MSRA: variants seen among roughly 807,000 people sequenced by gnomAD.
MSRA encodes mitochondrial peptide methionine sulfoxide reductase.
In MSRA, 54 loss-of-function variants were observed where a neutral mutation model predicts 31.3. The ratio of observed to expected loss-of-function variants is 1.73; its 90% CI spans 1.39 to 2.17. The LOEUF is 2.17. Among genes scored for constraint, MSRA ranks in the 30% most tolerant of loss-of-function variants. The pLI is 0.00. For synonymous variants in MSRA, 169 were observed against 116.5 expected, an observed-to-expected ratio of 1.45 and a Z score of -2.90; for missense variants, 507 against 300.9, an observed-to-expected ratio of 1.69 and a Z score of -5.07.
At chr8:10,184,899 G>A (rs986647735) in intron 1 of MSRA, among the ~76,000 whole-genome samples, 2 of 152,202 alleles carry the variant, frequency 1.3e-5, no homozygotes, top group Non-Finnish European at 2.9e-5. Context: ...CTTGACCTGT[G>A]AAAGGAAAGA....
chr8:10,178,230 C>T (rs1189442347), intron 1 of MSRA, among the ~76,000 whole-genome samples: 1 of 152,104 alleles, frequency 6.6e-6, no homozygotes, highest in Admixed American at 6.5e-5. Flanking sequence ...TATTCACTTC[C>T]TGATAGATTT....
At chr8:10,194,078 A>T (rs1003744562) in intron 1 of MSRA, among the ~76,000 whole-genome samples, 1 of 152,192 alleles carries the variant, frequency 6.6e-6, no homozygotes, top group Admixed American at 6.5e-5. Context: ...GGGAAGAGGG[A>T]TGGAGCAATA....
chr8:10,215,958 A>C (rs987898718), intron 2 of MSRA, among the ~76,000 whole-genome samples: 2 of 152,200 alleles, frequency 1.3e-5, no homozygotes, highest in Non-Finnish European at 2.9e-5. Context: ...ACAATCAAAT[A>C]TTTTCTATTA....
chr8:10,210,237 C>T (rs1162214449), intron 2 of MSRA, among the ~76,000 whole-genome samples: 1 of 152,164 alleles, frequency 6.6e-6, no homozygotes, highest in African/African-American at 2.4e-5. Flanking sequence ...CTAGCGAGGC[C>T]ATGTGACTTA....
Position 10,159,352 on chromosome 8 carries a change from G to T in MSRA, c.143-48481G>T, listed in dbSNP as rs549735767. Among the ~76,000 whole-genome samples the T allele has an allele frequency of 2.0e-5, 3 of 152,280 alleles. No individual in the cohort carries two copies. In the East Asian group the frequency reaches 5.8e-4, roughly 29 times the overall value. ...GTTTGCATTTACTATCAAGAGAGGA[G>T]ATCAGGAGTGGTCTCTGGGCTGGAG... On this transcript the variant is annotated intron_variant, in intron 1 of 5. Coordinates refer to ENST00000317173, the MANE Select transcript of MSRA (RefSeq NM_012331.5).
rs150798936 is a variant in MSRA at position 10,262,894 on chromosome 8, A to C, written c.331+17671A>C. 4.6e-5 allele frequency among the ~76,000 whole-genome samples: 7 copies of C among 152,104 alleles called. No homozygotes were observed. The East Asian group carries it at 1.4e-3, about 29-fold the overall frequency. On this transcript the variant is annotated intron_variant, in intron 3 of 5. Coordinates refer to ENST00000317173, the MANE Select transcript of MSRA (RefSeq NM_012331.5). ...TTGACCTTGTTACTGGGTTGTACCT[A>C]TGGTTTTGGCCTCTCATTTTTTGCC...
chr8:10,168,136 T>C (rs1333438158), intron 1 of MSRA, among the ~76,000 whole-genome samples: 5 of 152,204 alleles, frequency 3.3e-5, no homozygotes, highest in Non-Finnish European at 7.3e-5. Flanking sequence ...ATCTGTAAAA[T>C]GGAGATAATA....
At chr8:10,124,594 A>G (rs1243524632) in intron 1 of MSRA, among the ~76,000 whole-genome samples, 1 of 152,212 alleles carries the variant, frequency 6.6e-6, no homozygotes, top group African/African-American at 2.4e-5. Flanking sequence ...CCTTTATGAG[A>G]CACCAGTCAG....
rs1806846485 is a variant in MSRA at position 10,392,906 on chromosome 8, A to C, written c.544-35242A>C. ...CTAAAAATGCAAAAAAAAAAAAAAA[A>C]AAAAAATTAGCCGGCAGTAATGGCG... On this transcript the variant is annotated intron_variant, in intron 5 of 5. Coordinates refer to ENST00000317173, the MANE Select transcript of MSRA (RefSeq NM_012331.5). 2.4e-5 allele frequency among the ~76,000 whole-genome samples: 3 copies of C among 123,626 alleles called. No homozygotes were observed. In the South Asian group the frequency reaches 7.6e-4, roughly 31 times the overall value. The allele number at this position is 123,626 out of a possible 152,430, so 81.1% of individuals were successfully genotyped here.
intron 1 of MSRA, among the ~76,000 whole-genome samples, chr8:10,195,188 G>A (rs558823743): frequency 6.6e-6 from 1 of 152,210 alleles, no homozygotes; most frequent in African/African-American, 2.4e-5. Context: ...CAAAGCCTGT[G>A]CTATGGAAGC....
At chr8:10,193,282 G>T (rs991416906) in intron 1 of MSRA, among the ~76,000 whole-genome samples, 6 of 152,218 alleles carry the variant, frequency 3.9e-5, no homozygotes, top group African/African-American at 1.4e-4. Context: ...ACCCCATTCA[G>T]CGCATGGCTT....
chr8:10,108,092 G>A (rs1478213535), intron 1 of MSRA, among the ~76,000 whole-genome samples: 16 of 152,120 alleles, frequency 1.1e-4, no homozygotes, highest in Admixed American at 1.0e-3. Context: ...GTATGAGGGA[G>A]GCCTCCCTTA....
chr8:10,092,575 T>C (rs1798910776), intron 1 of MSRA, among the ~76,000 whole-genome samples: 1 of 152,122 alleles, frequency 6.6e-6, no homozygotes, highest in African/African-American at 2.4e-5. Context: ...GGAGAATCGC[T>C]TGAATCCAGG....
rs746656712 is a variant in MSRA at position 10,428,134 on chromosome 8, C to T, written c.544-14C>T. 1.9e-6 allele frequency: 3 copies of T among 1,606,224 alleles called. No individual in the cohort carries two copies. The Admixed American group carries it at 5.2e-5, about 28-fold the overall frequency. The stretch of plus-strand genomic sequence containing the variant: ...TAGCATGGGAGCTGATGGCGCCTTT[C>T]TGTGTCCCCACAGGTTCTTTCAGAG... On this transcript the variant is annotated splice_polypyrimidine_tract_variant and intron_variant, in intron 5 of 5. Transcript: ENST00000317173.
chr8:10,294,832 A>G (rs768353488), intron 3 of MSRA, among the ~76,000 whole-genome samples: 4 of 151,836 alleles, frequency 2.6e-5, no homozygotes, highest in African/African-American at 7.2e-5. Context: ...CACAGAGTCC[A>G]GGAACCCTGA....
intron 5 of MSRA, among the ~76,000 whole-genome samples, chr8:10,322,393 T>C (rs781111258): frequency 6.6e-6 from 1 of 151,570 alleles, no homozygotes; most frequent in African/African-American, 2.4e-5. Context: ...GAGGGAGGGA[T>C]ATTTAGGAAG....
At chr8:10,409,588 G>A (rs943320943) in intron 5 of MSRA, among the ~76,000 whole-genome samples, 6 of 152,194 alleles carry the variant, frequency 3.9e-5, no homozygotes, top group South Asian at 2.1e-4. Flanking sequence ...TAGAGAGGAC[G>A]TGATGAGGAT....
intron 4 of MSRA, among the ~76,000 whole-genome samples, chr8:10,305,814 C>G (rs1369031973): frequency 2.0e-5 from 3 of 152,192 alleles, no homozygotes; most frequent in African/African-American, 7.2e-5. Flanking sequence ...TGTTATTCCA[C>G]AGCCACTAGA....
intron 1 of MSRA, among the ~76,000 whole-genome samples, chr8:10,162,309 G>T (rs1804734890): frequency 1.3e-5 from 2 of 152,144 alleles, no homozygotes; most frequent in African/African-American, 4.8e-5. Context: ...TTATAAAAGG[G>T]ACTCCAGAGA....
Sources: allele counts gnomAD v4.1 joint callset (sites outside exome capture counted in the v4.1 genomes callset), GRCh38; gene constraint gnomAD v4.1.1; transcripts MANE v1.5; gene names NCBI Gene and HGNC (gene_info 2026-07-23, HGNC 2026-07-21).